The following DLG1 variants were observed in gnomAD, a reference collection of about 807,000 sequenced individuals.
DLG1 encodes the protein discs large MAGUK scaffold protein 1.
DLG1 carries 42 observed loss-of-function variants against 123.4 expected under a neutral mutation model. That is an observed-to-expected ratio of 0.34 (90% confidence interval 0.27 to 0.44). DLG1 has a LOEUF of 0.44. DLG1 is among the 20% of genes least tolerant of loss of function. DLG1 has a pLI of 1.00. For synonymous variants in DLG1, 317 were observed against 356.2 expected (o/e 0.89, Z 1.24); for missense variants, 942 against 1,082.6 (o/e 0.87, Z 1.82).
At chr3:197,117,248 G>C (rs1446198027) in intron 12 of DLG1, among the ~76,000 whole-genome samples, 1 of 152,080 alleles carries the variant, frequency 6.6e-6, no homozygotes, top group South Asian at 2.1e-4. Context: ...AATATAAAAC[G>C]GTGCAGGCAC....
intron 4 of DLG1, among the ~76,000 whole-genome samples, chr3:197,254,399 C>A (rs338204): frequency 6.6e-6 from 1 of 152,116 alleles, no homozygotes; most frequent in Admixed American, 6.5e-5. Context: ...GCAACCTAAC[C>A]CTAAACAAAT....
intron 4 of DLG1, among the ~76,000 whole-genome samples, chr3:197,221,783 C>A (rs1246835631): frequency 1.3e-5 from 2 of 152,130 alleles, no homozygotes; most frequent in African/African-American, 4.8e-5. Context: ...ATCTGTTTTC[C>A]CTGCTTTTGT....
intron 5 of DLG1, among the ~76,000 whole-genome samples, chr3:197,169,568 CTAAATA>C (rs1379891933): frequency 2.0e-5 from 3 of 152,102 alleles, no homozygotes; most frequent in Admixed American, 6.6e-5. Context: ...GCAAGGCTAT[CTAAATA>C]TATTTAAAAA....
chr3:197,222,762 T>C (rs1306059611), intron 4 of DLG1, among the ~76,000 whole-genome samples: 1 of 152,188 alleles, frequency 6.6e-6, no homozygotes, highest in Non-Finnish European at 1.5e-5. Context: ...CTCCTGACTT[T>C]ATACTGGGTG....
chr3:197,105,860 T>C (rs1448237124), intron 13 of DLG1, among the ~76,000 whole-genome samples: 1 of 152,108 alleles, frequency 6.6e-6, no homozygotes, highest in Admixed American at 6.6e-5. Flanking sequence ...ATGAATAGAA[T>C]ATGGCAATGT....
At chr3:197,231,706 A>AAAAC (rs1743197121) in intron 4 of DLG1, among the ~76,000 whole-genome samples, 1 of 150,914 alleles carries the variant, frequency 6.6e-6, no homozygotes, top group South Asian at 2.1e-4. Flanking sequence ...TTAAAAAAAA[A>AAAAC]AAAACAACAA....
At chr3:197,224,376 T>A (rs1288748995) in intron 4 of DLG1, among the ~76,000 whole-genome samples, 2 of 152,154 alleles carry the variant, frequency 1.3e-5, no homozygotes, top group African/African-American at 4.8e-5. Flanking sequence ...TTTACCTACA[T>A]ATAAGGAGGA....
chr3:197,232,561 T>C (rs1743762433), intron 4 of DLG1, among the ~76,000 whole-genome samples: 1 of 152,132 alleles, frequency 6.6e-6, no homozygotes, highest in South Asian at 2.1e-4. Flanking sequence ...TCTGAAACTC[T>C]GACCTCTAAC....
At chr3:197,093,316 GC>G (rs1299914363) in intron 14 of DLG1, among the ~76,000 whole-genome samples, 3 of 152,004 alleles carry the variant, frequency 2.0e-5, no homozygotes, top group Non-Finnish European at 2.9e-5. Context: ...GCGCTAACAT[GC>G]CCAGCTAATT....
At chr3:197,169,108 T>C (rs918207399) in intron 5 of DLG1, among the ~76,000 whole-genome samples, 5 of 152,174 alleles carry the variant, frequency 3.3e-5, no homozygotes, top group Non-Finnish European at 7.3e-5. Context: ...TAAAACAGAT[T>C]TTCATAAAGT....
At chr3:197,100,201 A>G (rs564971790) in intron 14 of DLG1, among the ~76,000 whole-genome samples, 2 of 152,370 alleles carry the variant, frequency 1.3e-5, no homozygotes, top group East Asian at 3.9e-4. Context: ...CCACTAGTCC[A>G]CTGCAATCTT....
intron 5 of DLG1, among the ~76,000 whole-genome samples, chr3:197,160,651 A>G (rs1289171785): frequency 6.6e-6 from 1 of 152,142 alleles, no homozygotes; most frequent in East Asian, 1.9e-4. Context: ...AGTCATTGTA[A>G]CACTGTAATT....
chr3:197,176,978 T>A (rs1453061275), intron 5 of DLG1, among the ~76,000 whole-genome samples: 2 of 151,564 alleles, frequency 1.3e-5, no homozygotes, highest in Middle Eastern at 6.8e-3. Context: ...TTTTATATTA[T>A]TTTTTATTTA....
intron 5 of DLG1, among the ~76,000 whole-genome samples, chr3:197,160,728 C>A (rs1798458518): frequency 6.6e-6 from 1 of 152,012 alleles, no homozygotes; most frequent in South Asian, 2.1e-4. Flanking sequence ...GGGAAGGGCA[C>A]TGAGATGTGA....
intron 18 of DLG1, chr3:197,070,621 G>C (rs1376637122): frequency 7.8e-6 from 1 of 128,640 alleles, no homozygotes; most frequent in Non-Finnish European, 1.6e-5. Context: ...AGGCTGGAGT[G>C]CAGTGGCACG....
intron 5 of DLG1, among the ~76,000 whole-genome samples, chr3:197,164,991 C>T (rs963925619): frequency 6.6e-6 from 1 of 151,108 alleles, no homozygotes; most frequent in Non-Finnish European, 1.5e-5. Context: ...ATTATCAGTA[C>T]GAACAGTTTA....
intron 13 of DLG1, among the ~76,000 whole-genome samples, chr3:197,115,172 T>A (rs140787240): frequency 6.6e-6 from 1 of 151,420 alleles, no homozygotes; most frequent in Non-Finnish European, 1.5e-5. Context: ...TAAACAAAAA[T>A]AAAAATTACA....
chr3:197,149,357 T>C (rs1395129661), intron 6 of DLG1, among the ~76,000 whole-genome samples: 1 of 152,084 alleles, frequency 6.6e-6, no homozygotes, highest in Non-Finnish European at 1.5e-5. Flanking sequence ...TATAACTAAT[T>C]ATTTTCGTAT....
intron 13 of DLG1, among the ~76,000 whole-genome samples, chr3:197,112,091 C>T (rs1035113578): frequency 1.3e-5 from 2 of 152,198 alleles, no homozygotes; most frequent in South Asian, 2.1e-4. Flanking sequence ...ACCATTTACA[C>T]GTCCACTAGT....
Sources: gnomAD v4.1 joint callset for allele counts (sites outside exome capture counted in the v4.1 genomes callset) on GRCh38, gnomAD v4.1.1 for gene constraint, MANE v1.5 for transcripts, NCBI Gene and HGNC (gene_info 2026-07-23, HGNC 2026-07-21) for gene names.